ADCY9: variants seen among roughly 807,000 people sequenced by gnomAD.
ADCY9 encodes adenylate cyclase 9.
In ADCY9, 50 loss-of-function variants were observed where a neutral mutation model predicts 101.5. The ratio of observed to expected loss-of-function variants is 0.49; its 90% CI spans 0.39 to 0.62. ADCY9 has a LOEUF of 0.62. ADCY9 is among the 20% of genes least tolerant of loss of function. The probability of loss-of-function intolerance (pLI) is 0.00; values close to 1 mark genes in which losing one functional copy is unlikely to be tolerated. For synonymous variants in ADCY9, 905 were observed against 769.3 expected, an observed-to-expected ratio of 1.18 and a Z score of -2.92; for missense variants, 1,662 against 1,800.4, an observed-to-expected ratio of 0.92 and a Z score of 1.39.
intron 2 of ADCY9, among the ~76,000 whole-genome samples, chr16:4,080,486 G>T (rs1233005108): frequency 6.6e-6 from 1 of 151,922 alleles, no homozygotes; most frequent in Non-Finnish European, 1.5e-5. Context: ...CAAACTCTTG[G>T]CCTCAAGAGT....
intron 2 of ADCY9, among the ~76,000 whole-genome samples, chr16:4,099,135 G>T (rs1306099489): frequency 1.3e-5 from 2 of 152,012 alleles, no homozygotes; most frequent in Non-Finnish European, 1.5e-5. Flanking sequence ...GTTTCCCCAT[G>T]TTGGCCAGGC....
chr16:4,070,099 A>G (rs971750352), intron 2 of ADCY9, among the ~76,000 whole-genome samples: 4 of 141,952 alleles, frequency 2.8e-5, no homozygotes, highest in African/African-American at 1.1e-4. Flanking sequence ...CTCTGTCTCA[A>G]AAAAATATGT....
At chr16:3,954,383 G>A (rs1597124944) in intron 5 of ADCY9, among the ~76,000 whole-genome samples, 1 of 152,310 alleles carries the variant, frequency 6.6e-6, no homozygotes, top group East Asian at 1.9e-4. Flanking sequence ...ACTGGTCTGA[G>A]AGCCTGGCGT....
At chr16:4,022,184 C>T (rs958227858) in intron 2 of ADCY9, among the ~76,000 whole-genome samples, 1 of 152,118 alleles carries the variant, frequency 6.6e-6, no homozygotes, top group African/African-American at 2.4e-5. Flanking sequence ...GAGAAACAGC[C>T]TGAGGACAGG....
At chr16:4,085,154 G>A (rs2056929510) in intron 2 of ADCY9, among the ~76,000 whole-genome samples, 1 of 152,174 alleles carries the variant, frequency 6.6e-6, no homozygotes, top group Admixed American at 6.5e-5. Context: ...TTGAGGTCAG[G>A]AGTTCGAGAC....
chr16:3,967,049 TTTG>T lies in ADCY9; in HGVS notation c.2871-86_2871-84del. The T allele has an allele frequency of 2.5e-6, 3 of 1,187,296 alleles. No individual in the cohort carries two copies. In the East Asian group the frequency reaches 7.2e-5, roughly 28 times the overall value. The allele number at this position is 1,187,296 out of a possible 1,614,324, so 73.5% of individuals were successfully genotyped here. A position where few individuals can be genotyped will look rare whatever the true frequency, so the allele number is the denominator to read the frequency against. ...AACAGCCCCGCTAGCTACGCAAAGC[TTTG>T]TTGAGTCCAGGCCTTCAACAACCTG... On this transcript the variant is annotated intron_variant, in intron 10 of 10. Transcript: ENST00000294016.
downstream of ADCY9, among the ~76,000 whole-genome samples, chr16:3,957,676 G>A (rs2055914918): frequency 6.6e-6 from 1 of 152,074 alleles, no homozygotes; most frequent in African/African-American, 2.4e-5. Flanking sequence ...GATAGAGAAG[G>A]CTAGAAAGCC....
intron 2 of ADCY9, among the ~76,000 whole-genome samples, chr16:4,052,121 C>A (rs1031412647): frequency 6.6e-6 from 1 of 152,242 alleles, no homozygotes; most frequent in Middle Eastern, 3.4e-3. Flanking sequence ...TGATTCTCAT[C>A]ATGAAGGAAT....
intron 9 of ADCY9, 126 bp from the exon 10 acceptor site, chr16:3,974,836 AC>A: frequency 4.5e-6 from 3 of 659,800 alleles, no homozygotes; most frequent in East Asian, 2.8e-5. Flanking sequence ...ACATAAAGCC[AC>A]CTGCTCCCAC....
chr16:3,987,447 A>G (rs144844990), intron 6 of ADCY9, among the ~76,000 whole-genome samples: 1,748 of 152,332 alleles, frequency 0.011, 30 homozygotes, highest in African/African-American at 0.039. Context: ...GACCCCGGCT[A>G]TGGGACCACA....
chr16:4,026,903 C>T (rs2056519400), intron 2 of ADCY9, among the ~76,000 whole-genome samples: 2 of 152,194 alleles, frequency 1.3e-5, no homozygotes, highest in South Asian at 2.1e-4. Flanking sequence ...AAACCATACC[C>T]AGGTAACAAA....
intron 2 of ADCY9, among the ~76,000 whole-genome samples, chr16:4,086,947 A>G (rs1003525987): frequency 1.3e-5 from 2 of 152,044 alleles, no homozygotes; most frequent in Non-Finnish European, 2.9e-5. Flanking sequence ...GGCGTGAGCC[A>G]CCACGCCCAG....
intron 2 of ADCY9, among the ~76,000 whole-genome samples, chr16:4,042,897 C>G (rs1001967975): frequency 1.3e-5 from 2 of 152,184 alleles, no homozygotes; most frequent in African/African-American, 4.8e-5. Context: ...TCCTAAACTT[C>G]TCTGTGCTTC....
intron 2 of ADCY9, among the ~76,000 whole-genome samples, chr16:4,011,946 G>A (rs2056407374): frequency 6.6e-6 from 1 of 152,222 alleles, no homozygotes; most frequent in South Asian, 2.1e-4. Context: ...CAACACGCAC[G>A]CAGCAAGCAC....
Position 3,965,910 on chromosome 16 carries a change from C to T in ADCY9, c.3927G>A (p.Lys1309=), listed in dbSNP as rs938200300. The T allele has an allele frequency of 7.4e-6, 12 of 1,614,084 alleles. No individual in the cohort carries two copies. Among genetic ancestry groups the T allele is most frequent in the Non-Finnish European group, 9.3e-6 (11 of 1,180,044 alleles). The change falls in exon 11 of 11, where the codon AAG becomes AAA. Residue 1309 remains lysine, a synonymous_variant. Coordinates refer to ENST00000294016, the MANE Select transcript of ADCY9 (RefSeq NM_001116.4). ...TQAKDAHLSP[K]RPWKEPVKAE... is the part of the protein sequence containing the mutation. ...CTTTGACGGGCTCCTTCCACGGTCT[C>T]TTGGGGGACAGGTGGGCATCCTTGG...
At chr16:3,968,412 G>T (rs1026838115) in intron 10 of ADCY9, among the ~76,000 whole-genome samples, 15 of 152,284 alleles carry the variant, frequency 9.9e-5, no homozygotes, top group African/African-American at 3.6e-4. Flanking sequence ...GATTACAGGT[G>T]TGAGCCACCG....
chr16:3,987,131 C>T (rs1310110953), intron 6 of ADCY9, among the ~76,000 whole-genome samples: 3 of 152,226 alleles, frequency 2.0e-5, no homozygotes, highest in Non-Finnish European at 4.4e-5. Flanking sequence ...TCCTAGTCCC[C>T]CCACTGAGGC....
chr16:4,034,856 C>A (rs2056579084), intron 2 of ADCY9, among the ~76,000 whole-genome samples: 1 of 152,102 alleles, frequency 6.6e-6, no homozygotes, highest in Non-Finnish European at 1.5e-5. Flanking sequence ...GTGGACCTTG[C>A]CGGCTGGAAG....
intron 3 of ADCY9, among the ~76,000 whole-genome samples, chr16:4,006,878 C>G (rs1031951535): frequency 6.6e-6 from 1 of 152,164 alleles, no homozygotes; most frequent in Admixed American, 6.5e-5. Flanking sequence ...ACAATGTTCT[C>G]GGCAGCCTGT....
Sources: gnomAD v4.1 joint callset for allele counts (sites outside exome capture counted in the v4.1 genomes callset) on GRCh38, gnomAD v4.1.1 for gene constraint, MANE v1.5 for transcripts, NCBI Gene and HGNC (gene_info 2026-07-23, HGNC 2026-07-21) for gene names.